Variants in RIMS1 observed in about 807,000 individuals in gnomAD.
RIMS1 encodes regulating synaptic membrane exocytosis 1.
A neutral mutation model predicts 214.1 loss-of-function variants in RIMS1; 83 were observed. That is an observed-to-expected ratio of 0.39 (90% confidence interval 0.32 to 0.47). The LOEUF is 0.47. Among genes scored for constraint, RIMS1 ranks in the 20% least tolerant of loss-of-function variants. The pLI, the probability that RIMS1 is intolerant of heterozygous loss-of-function variation, is 0.99. For synonymous variants in RIMS1, 793 were observed against 786.8 expected (o/e 1.01, Z -0.13); for missense variants, 2,050 against 2,161.8 (o/e 0.95, Z 1.03).
At position 72,276,779 on chromosome 6, in the gene RIMS1, A is replaced by G. The variant is rs75527466; in HGVS notation, c.3482+2347A>G. 5.3e-3 allele frequency among the ~76,000 whole-genome samples: 801 copies of G among 152,316 alleles called. 11 individuals are homozygous for G. Among genetic ancestry groups the G allele is most frequent in the African/African-American group, 0.019 (775 of 41,570 alleles). ...GATAAATTATGTCCACTAATGCTAC[A>G]TTCATAGGTTATATGTCAACCACTT... On this transcript the variant is annotated intron_variant, in intron 23 of 33. Transcript: ENST00000521978.
chr6:71,929,766 T>C (rs1340615090), intron 1 of RIMS1, among the ~76,000 whole-genome samples: 29 of 152,100 alleles, frequency 1.9e-4, no homozygotes, highest in Admixed American at 1.9e-3. Context: ...ATGAAAGTTA[T>C]CATGTTTAAC....
rs2048187941 is a variant in RIMS1, at chr6:72,179,922, G to C, written c.812+7G>C. On this transcript the variant is annotated splice_region_variant and intron_variant, in intron 5 of 33. Coordinates refer to ENST00000521978, the MANE Select transcript of RIMS1 (RefSeq NM_014989.7). ...GTGAACCTCCTAGAGAGAGGTAATA[G>C]TTCTTTCACCCTGTAAGCAAAAGGC... is the stretch of plus-strand genomic sequence containing the variant. 1.4e-6 allele frequency: 2 copies of C among 1,445,978 alleles called. No homozygotes were observed. The highest frequency in any genetic ancestry group is 4.7e-5 in the East Asian group (2 of 42,422). The allele number at this position is 1,445,978 out of a possible 1,614,324, so 89.6% of individuals were successfully genotyped here.
chr6:71,939,971 A>T (rs1458021739), intron 1 of RIMS1, among the ~76,000 whole-genome samples: 2 of 152,210 alleles, frequency 1.3e-5, no homozygotes, highest in Non-Finnish European at 2.9e-5. Context: ...AACTTAGACA[A>T]ATTAATAAAG....
intron 31 of RIMS1, among the ~76,000 whole-genome samples, chr6:72,397,557 G>T (rs906335792): frequency 4.6e-5 from 7 of 152,108 alleles, no homozygotes; most frequent in African/African-American, 1.7e-4. Context: ...CATACTATTA[G>T]ATATGAAAAT....
In RIMS1 at chr6:72,283,202, T is replaced by G. The variant is rs536952427; in HGVS notation, c.3483-845T>G. ...CACATTCCTAGGGTTTCTCTCTTTT[T>G]TTTTGTAATAAGTGTGAGCTTCTTG... On this transcript the variant is annotated intron_variant, in intron 23 of 33. Coordinates refer to ENST00000521978, the MANE Select transcript of RIMS1 (RefSeq NM_014989.7). Among the ~76,000 whole-genome samples the G allele has an allele frequency of 3.3e-5, 5 of 152,278 alleles. No homozygotes were observed. The South Asian group carries it at 1.0e-3, about 32-fold the overall frequency.
At chr6:72,010,375 A>G (rs1269246879) in intron 2 of RIMS1, among the ~76,000 whole-genome samples, 1 of 152,210 alleles carries the variant, frequency 6.6e-6, no homozygotes, top group Non-Finnish European at 1.5e-5. Context: ...CCAATATCAT[A>G]CTGAATGGGC....
chr6:72,050,086 A>G (rs1467700459), intron 2 of RIMS1, among the ~76,000 whole-genome samples: 1 of 151,990 alleles, frequency 6.6e-6, no homozygotes, highest in African/African-American at 2.4e-5. Flanking sequence ...CCTGACCCCC[A>G]CCCCTTCACA....
chr6:72,290,836 G>A lies in RIMS1; in HGVS notation c.3712G>A (p.Ala1238Thr). 2 of 1,612,872 alleles carry A rather than the reference G, an allele frequency of 1.2e-6. No individual in the cohort carries two copies. ...SMHHLVPGGSAPPSPLLTRMH... is the reference protein window; with the variant it reads ...SMHHLVPGGSTPPSPLLTRMH... The stretch of plus-strand genomic sequence containing the variant: ...GCACCACCTTGTCCCTGGAGGGTCG[G>A]CGCCACCTTCTCCGCTTCTGACAAG... Residue 1238 changes from alanine (A) to threonine (T), a missense_variant, in exon 25 of 34, where the codon GCG (alanine) becomes ACG (threonine). Ala to Thr is a moderately conservative substitution (Grantham distance 58). Transcript: ENST00000521978.
chr6:71,894,891 TA>T (rs1771177310), intron 1 of RIMS1, among the ~76,000 whole-genome samples: 1 of 152,238 alleles, frequency 6.6e-6, no homozygotes, highest in Non-Finnish European at 1.5e-5. Context: ...GAATGAAAGA[TA>T]TTTTGTGTAA....
At chr6:72,318,960 A>T (rs1484223836) in intron 28 of RIMS1, among the ~76,000 whole-genome samples, 2 of 152,194 alleles carry the variant, frequency 1.3e-5, no homozygotes, top group Non-Finnish European at 2.9e-5. Flanking sequence ...ATTTTTTAGA[A>T]TCAGAATATA....
rs191584276 is a variant in RIMS1, at chr6:72,186,786, C to G, written c.1678+3637C>G. 1.0e-3 allele frequency among the ~76,000 whole-genome samples: 157 copies of G among 151,584 alleles called. 1 individual carries two copies. Among genetic ancestry groups the G allele is most frequent in the African/African-American group, 3.4e-3 (140 of 41,280 alleles). On this transcript the variant is annotated intron_variant, in intron 6 of 33. Coordinates refer to ENST00000521978, the MANE Select transcript of RIMS1 (RefSeq NM_014989.7). Reference sequence around the variant, plus strand: ...AACTGCATGTATATATGTACCCCCCCCCATATATATGTGTCCGAACAATCT... The same window carrying G: ...AACTGCATGTATATATGTACCCCCCGCCATATATATGTGTCCGAACAATCT...
Position 72,266,515 on chromosome 6 carries a change from T to A in RIMS1, c.3398+466T>A, listed in dbSNP as rs535555738. Among the ~76,000 whole-genome samples, 4 of 152,290 alleles carry A rather than the reference T, an allele frequency of 2.6e-5. No homozygotes were observed. The South Asian group carries it at 8.3e-4, about 32-fold the overall frequency. On this transcript the variant is annotated intron_variant, in intron 22 of 33. Coordinates refer to ENST00000521978, the MANE Select transcript of RIMS1 (RefSeq NM_014989.7). ...ATTTTTAAATAGAATACTTCCTTTGTATATCTACATTCATTTTTAATCAAT... is the reference window on the plus strand; with the variant it reads ...ATTTTTAAATAGAATACTTCCTTTGAATATCTACATTCATTTTTAATCAAT...
At chr6:72,095,644 C>T (rs145462504) in intron 2 of RIMS1, among the ~76,000 whole-genome samples, 46 of 152,282 alleles carry the variant, frequency 3.0e-4, no homozygotes, top group African/African-American at 9.6e-4. Flanking sequence ...AAAGTAATCA[C>T]AGAAGTTCTG....
chr6:72,121,132 A>G (rs1315185824), intron 4 of RIMS1, among the ~76,000 whole-genome samples: 2 of 151,772 alleles, frequency 1.3e-5, no homozygotes, highest in African/African-American at 4.8e-5. Flanking sequence ...TCTTGGCAAC[A>G]TGGTCTCTTT....
At chr6:72,310,419 G>A (rs141641866) in intron 27 of RIMS1, among the ~76,000 whole-genome samples, 30 of 151,440 alleles carry the variant, frequency 2.0e-4, no homozygotes, top group African/African-American at 6.8e-4. Context: ...TTTTATTGGT[G>A]GTATACAGAG....
chr6:72,301,259 A>T (rs1484330091), intron 26 of RIMS1, among the ~76,000 whole-genome samples: 1 of 151,724 alleles, frequency 6.6e-6, no homozygotes, highest in East Asian at 1.9e-4. Context: ...ATTTTATTCC[A>T]AGAAAGTGTG....
intron 29 of RIMS1, among the ~76,000 whole-genome samples, chr6:72,354,109 A>G (rs1301051645): frequency 1.3e-5 from 2 of 152,222 alleles, no homozygotes; most frequent in Non-Finnish European, 2.9e-5. Context: ...AATCCCAGCT[A>G]CTAGGGAGAC....
chr6:72,176,761 C>A (rs770872684), intron 4 of RIMS1, among the ~76,000 whole-genome samples: 55 of 152,104 alleles, frequency 3.6e-4, no homozygotes, highest in Admixed American at 7.9e-4. Flanking sequence ...GCATCACAGA[C>A]TTAAATGAAT....
chr6:71,886,926 G>A lies in RIMS1; in HGVS notation c.-98G>A, dbSNP rs1767917444. 1 of 1,423,558 alleles carries A rather than the reference G, an allele frequency of 7.0e-7. No homozygotes were observed. Among genetic ancestry groups the A allele is most frequent in the African/African-American group, 1.4e-5 (1 of 70,736 alleles). The allele number at this position is 1,423,558 out of a possible 1,614,324, so 88.2% of individuals were successfully genotyped here. A position where few individuals can be genotyped will look rare whatever the true frequency, so the allele number is the denominator to read the frequency against. ...CTCCTCCTCCTGCCGCCGCCGCTAG[G>A]GCTCCGCTGTGAGGGGGAAGCAGGG... On this transcript the variant is annotated 5_prime_UTR_variant, in exon 1 of 34. Transcript: ENST00000521978.
Sources: allele counts gnomAD v4.1 joint callset (sites outside exome capture counted in the v4.1 genomes callset), GRCh38; gene constraint gnomAD v4.1.1; transcripts MANE v1.5; gene names NCBI Gene and HGNC (gene_info 2026-07-23, HGNC 2026-07-21).